The following RFX3 variants were observed in gnomAD, a reference collection of about 807,000 sequenced individuals.
RFX3 encodes the protein regulatory factor X3.
RFX3 carries 14 observed loss-of-function variants against 98.6 expected under a neutral mutation model. The ratio of observed to expected loss-of-function variants is 0.14; its 90% CI spans 0.09 to 0.22. The LOEUF is 0.22. RFX3 is among the 10% of genes least tolerant of loss of function. The pLI, the probability that RFX3 is intolerant of heterozygous loss-of-function variation, is 1.00. For synonymous variants in RFX3, 383 were observed against 328.4 expected, an observed-to-expected ratio of 1.17 and a Z score of -1.80; for missense variants, 639 against 926.9, an observed-to-expected ratio of 0.69 and a Z score of 4.03.
At chr9:3,266,606 G>A (rs1199832793) in intron 11 of RFX3, among the ~76,000 whole-genome samples, 3 of 151,890 alleles carry the variant, frequency 2.0e-5, no homozygotes, top group African/African-American at 4.8e-5. Context: ...TATACTTAAA[G>A]AATTTTCTTG....
chr9:3,424,290 C>A (rs559661158), intron 1 of RFX3, among the ~76,000 whole-genome samples: 3 of 149,186 alleles, frequency 2.0e-5, no homozygotes, highest in Non-Finnish European at 4.4e-5. Context: ...TTCAGTAGGG[C>A]ATCATCTTCC....
rs763375191 is a variant in RFX3, at chr9:3,270,534, A to C, written c.1203-9T>G. 1.9e-6 allele frequency: 3 copies of C among 1,607,140 alleles called. No individual in the cohort carries two copies. Among genetic ancestry groups the C allele is most frequent in the Non-Finnish European group, 8.5e-7 (1 of 1,177,676 alleles). The stretch of plus-strand genomic sequence containing the variant: ...CTATTTCACTCAGATTGCTGGTGTG[A>C]ATAAATGTAGCAAATGAATAGATGG... On this transcript the variant is annotated splice_polypyrimidine_tract_variant and intron_variant, in intron 10 of 16. Transcript: ENST00000617270.
At chr9:3,385,162 A>G (rs562883747) in intron 2 of RFX3, among the ~76,000 whole-genome samples, 4 of 152,310 alleles carry the variant, frequency 2.6e-5, no homozygotes, top group African/African-American at 9.6e-5. Context: ...TGTTTAAATT[A>G]TGTTGCAAAC....
At chr9:3,277,316 A>G in intron 8 of RFX3, 24 bp downstream of exon 8, 1 of 1,609,592 alleles carries the variant, frequency 6.2e-7, no homozygotes, top group South Asian at 1.1e-5. Context: ...AGTAGCAACT[A>G]ATATGCATTA....
chr9:3,505,378 T>A (rs1325165608), intron 1 of RFX3, among the ~76,000 whole-genome samples: 1 of 98,756 alleles, frequency 1.0e-5, no homozygotes, highest in Non-Finnish European at 1.7e-5. Context: ...TAAAATATTT[T>A]ATATTTATAT....
chr9:3,472,179 T>C (rs1427117164), intron 1 of RFX3, among the ~76,000 whole-genome samples: 4 of 152,202 alleles, frequency 2.6e-5, no homozygotes, highest in African/African-American at 9.6e-5. Flanking sequence ...ATCTCTGGAA[T>C]TGACAGGAAG....
intron 5 of RFX3, among the ~76,000 whole-genome samples, chr9:3,295,188 C>A (rs1289878954): frequency 6.6e-6 from 1 of 151,028 alleles, no homozygotes; most frequent in Non-Finnish European, 1.5e-5. Flanking sequence ...TTGCCTACAA[C>A]AGGGGGACAG....
At chr9:3,462,128 A>G (rs1847751391) in intron 1 of RFX3, among the ~76,000 whole-genome samples, 2 of 152,058 alleles carry the variant, frequency 1.3e-5, no homozygotes, top group South Asian at 4.1e-4. Flanking sequence ...CAAGCATACT[A>G]CAAGAAAATT....
intron 1 of RFX3, among the ~76,000 whole-genome samples, chr9:3,502,152 G>A (rs1227276370): frequency 6.6e-6 from 1 of 150,654 alleles, no homozygotes. Context: ...CCAGCTACTC[G>A]AGAAGCTGAG....
rs145970385 is a variant in RFX3, at chr9:3,510,399, C to G, written c.-9+15348G>C. Among the ~76,000 whole-genome samples, 520 of 152,088 alleles carry G rather than the reference C, an allele frequency of 3.4e-3. 3 individuals carry two copies. The highest frequency in any genetic ancestry group is 0.012 in the African/African-American group (494 of 41,498). ...GAAGAGACAGTGTTCTTCCAAATTA[C>G]AGCATTAAGTTATTGAGGAGTTACT... is the stretch of plus-strand genomic sequence containing the variant. On this transcript the variant is annotated intron_variant, in intron 1 of 16. Coordinates refer to ENST00000617270, the MANE Select transcript of RFX3 (RefSeq NM_001282116.2).
intron 5 of RFX3, among the ~76,000 whole-genome samples, chr9:3,299,569 C>T (rs571647191): frequency 4.0e-5 from 6 of 151,682 alleles, no homozygotes; most frequent in South Asian, 4.2e-4. Context: ...TCAACATTTG[C>T]GCCCACTCTT....
chr9:3,395,515 G>A lies in RFX3; in HGVS notation c.74C>T (p.Ala25Val). Residue 25 changes from alanine (A) to valine (V), a missense_variant, in exon 2 of 17, where the codon GCA becomes GTA. Physicochemically the swap from Ala to Val is moderately conservative, Grantham distance 64. Transcript: ENST00000617270. ...TTGCTGTACCACCTGCGTAGGCACTGCTGCTTGACTAGCCACAGATGTTTG... is the reference window on the plus strand; with the variant it reads ...TTGCTGTACCACCTGCGTAGGCACTACTGCTTGACTAGCCACAGATGTTTG... ...TLQTSVASQA[A>V]VPTQVVQQVP... is the part of the protein sequence containing the mutation. 6.2e-7 allele frequency: 1 copy of A among 1,614,118 alleles called. No individual in the cohort carries two copies. Among genetic ancestry groups the A allele is most frequent in the Non-Finnish European group, 8.5e-7 (1 of 1,180,008 alleles).
intron 1 of RFX3, among the ~76,000 whole-genome samples, chr9:3,489,883 C>T (rs1042528730): frequency 7.2e-5 from 11 of 152,064 alleles, no homozygotes; most frequent in Admixed American, 4.6e-4. Flanking sequence ...CTCTGTGTGG[C>T]AGTTATGACT....
At chr9:3,472,741 G>C (rs1012853767) in intron 1 of RFX3, among the ~76,000 whole-genome samples, 1 of 152,208 alleles carries the variant, frequency 6.6e-6, no homozygotes, top group Admixed American at 6.5e-5. Flanking sequence ...TGTCAGTGAA[G>C]AATGAATACT....
chr9:3,504,226 T>C (rs948566484), intron 1 of RFX3, among the ~76,000 whole-genome samples: 9 of 133,968 alleles, frequency 6.7e-5, no homozygotes, highest in African/African-American at 1.7e-4. Context: ...TACTATATTA[T>C]ATACTATATA....
At position 3,321,572 on chromosome 9, in the gene RFX3, G is replaced by C. The variant is rs78382989; in HGVS notation, c.474+8687C>G. On this transcript the variant is annotated intron_variant, in intron 4 of 16. Coordinates refer to ENST00000617270, the MANE Select transcript of RFX3 (RefSeq NM_001282116.2). ...TTTTGTTATTTTTTCTGATGAATTTGTAAGAGTGGTCTATAAATTTAAAAA... is the reference window on the plus strand; with the variant it reads ...TTTTGTTATTTTTTCTGATGAATTTCTAAGAGTGGTCTATAAATTTAAAAA... Among the ~76,000 whole-genome samples, 9 of 152,198 alleles carry C rather than the reference G, an allele frequency of 5.9e-5. No homozygotes were observed. The East Asian group carries it at 1.7e-3, about 29-fold the overall frequency.
chr9:3,336,429 A>C (rs921756236), intron 3 of RFX3, among the ~76,000 whole-genome samples: 4 of 152,160 alleles, frequency 2.6e-5, no homozygotes, highest in African/African-American at 9.6e-5. Flanking sequence ...ATATAAAAGT[A>C]GAATAAATAA....
intron 1 of RFX3, among the ~76,000 whole-genome samples, chr9:3,424,779 G>C (rs184082518): frequency 6.6e-6 from 1 of 152,056 alleles, no homozygotes; most frequent in Non-Finnish European, 1.5e-5. Context: ...TCTATAATTG[G>C]TATATCTCTA....
At chr9:3,344,889 C>G (rs1168156742) in intron 3 of RFX3, 3 of 706,424 alleles carry the variant, frequency 4.2e-6, no homozygotes, top group South Asian at 1.5e-5. Flanking sequence ...ACCTATACAA[C>G]AAATAAGTAG....
Sources: gnomAD v4.1 joint callset for allele counts (sites outside exome capture counted in the v4.1 genomes callset) on GRCh38, gnomAD v4.1.1 for gene constraint, MANE v1.5 for transcripts, NCBI Gene and HGNC (gene_info 2026-07-23, HGNC 2026-07-21) for gene names.